NKAIN2: variants seen among roughly 807,000 people sequenced by gnomAD.
NKAIN2 encodes sodium/potassium transporting ATPase interacting 2.
In NKAIN2, 14 loss-of-function variants were observed where a neutral mutation model predicts 32.6. The ratio of observed to expected loss-of-function variants is 0.43; its 90% CI spans 0.28 to 0.67. The LOEUF (loss-of-function observed/expected upper bound fraction) is 0.67. NKAIN2 is among the 30% of genes least tolerant of loss of function. The pLI, the probability that NKAIN2 is intolerant of heterozygous loss-of-function variation, is 0.17. For missense variants in NKAIN2, 198 were observed against 258.3 expected, an observed-to-expected ratio of 0.77 and a Z score of 1.60; for synonymous variants, 80 against 87.2, an observed-to-expected ratio of 0.92 and a Z score of 0.46.
At chr6:124,410,013 T>G (rs955835219) in intron 3 of NKAIN2, among the ~76,000 whole-genome samples, 5 of 152,218 alleles carry the variant, frequency 3.3e-5, no homozygotes, top group African/African-American at 1.2e-4. Context: ...GATGGTAGTT[T>G]GTATTTCTGT....
At chr6:124,304,831 T>A (rs1583021400) in intron 2 of NKAIN2, among the ~76,000 whole-genome samples, 1 of 152,104 alleles carries the variant, frequency 6.6e-6, no homozygotes, top group South Asian at 2.1e-4. Flanking sequence ...GGGGACTCAC[T>A]TAAACCCAGG....
chr6:124,789,404 G>A (rs906526317), intron 4 of NKAIN2, among the ~76,000 whole-genome samples: 1 of 152,052 alleles, frequency 6.6e-6, no homozygotes, highest in African/African-American at 2.4e-5. Flanking sequence ...ACTCAATGTG[G>A]AGGAAGAGGT....
At chr6:124,610,288 G>GAAC (rs1340214543) in intron 3 of NKAIN2, among the ~76,000 whole-genome samples, 3 of 152,148 alleles carry the variant, frequency 2.0e-5, no homozygotes, top group African/African-American at 7.2e-5. Context: ...GTATTATCTA[G>GAAC]AACTTATCCC....
intron 3 of NKAIN2, among the ~76,000 whole-genome samples, chr6:124,600,619 A>G (rs1440957887): frequency 6.6e-6 from 1 of 152,050 alleles, no homozygotes. Flanking sequence ...AGAGAATCCA[A>G]AGGGTTAAAT....
intron 1 of NKAIN2, among the ~76,000 whole-genome samples, chr6:123,969,947 AT>A (rs1420780008): frequency 6.6e-6 from 1 of 152,232 alleles, no homozygotes; most frequent in Non-Finnish European, 1.5e-5. Flanking sequence ...TATAAGTAAA[AT>A]GAATAATTCA....
intron 1 of NKAIN2, among the ~76,000 whole-genome samples, chr6:124,274,069 T>C (rs1794920256): frequency 6.6e-6 from 1 of 152,164 alleles, no homozygotes; most frequent in South Asian, 2.1e-4. Flanking sequence ...ATAGGGAGAC[T>C]TTAAACTTAA....
At chr6:124,234,832 A>G (rs1446958098) in intron 1 of NKAIN2, among the ~76,000 whole-genome samples, 2 of 152,188 alleles carry the variant, frequency 1.3e-5, no homozygotes, top group Non-Finnish European at 2.9e-5. Flanking sequence ...TGTTGATTAA[A>G]TGAATAGTGC....
At chr6:123,842,323 T>G (rs2114937261) in intron 1 of NKAIN2, among the ~76,000 whole-genome samples, 1 of 152,322 alleles carries the variant, frequency 6.6e-6, no homozygotes, top group South Asian at 2.1e-4. Context: ...TGGTGAGGGC[T>G]CTCTTCCTGG....
At chr6:124,262,593 A>G (rs802502) in intron 1 of NKAIN2, among the ~76,000 whole-genome samples, 147,404 of 152,296 alleles carry the variant, frequency 0.97, 71,385 homozygotes, top group Middle Eastern at 1. Context: ...CATATTGGGT[A>G]AGTGGGATGA....
chr6:124,673,495 T>G (rs911836599), intron 4 of NKAIN2, among the ~76,000 whole-genome samples: 1 of 152,086 alleles, frequency 6.6e-6, no homozygotes, highest in South Asian at 2.1e-4. Context: ...CAAGCATCAG[T>G]ACACTAGGGT....
chr6:124,774,055 T>C (rs191571831), intron 4 of NKAIN2, among the ~76,000 whole-genome samples: 14 of 152,210 alleles, frequency 9.2e-5, no homozygotes, highest in African/African-American at 2.4e-4. Context: ...TGAGAGTAGA[T>C]TGGAGAGTCA....
At chr6:124,059,098 A>G (rs1382812472) in intron 1 of NKAIN2, among the ~76,000 whole-genome samples, 1 of 152,082 alleles carries the variant, frequency 6.6e-6, no homozygotes, top group Admixed American at 6.6e-5. Flanking sequence ...AAGTGGTAAA[A>G]AAAAAACTGA....
At chr6:124,235,365 T>C (rs546450398) in intron 1 of NKAIN2, among the ~76,000 whole-genome samples, 3 of 152,142 alleles carry the variant, frequency 2.0e-5, no homozygotes. Flanking sequence ...TACATCCTAT[T>C]TATTGAATTG....
At chr6:123,997,529 C>T (rs1482009018) in intron 1 of NKAIN2, among the ~76,000 whole-genome samples, 3 of 150,950 alleles carry the variant, frequency 2.0e-5, no homozygotes, top group Admixed American at 6.6e-5. Flanking sequence ...CAAGAAAGGA[C>T]GTGGCAGTTT....
intron 1 of NKAIN2, among the ~76,000 whole-genome samples, chr6:123,983,182 G>A (rs762962109): frequency 6.6e-6 from 1 of 152,142 alleles, no homozygotes; most frequent in African/African-American, 2.4e-5. Context: ...CTTTGAATTT[G>A]GACAAATTGA....
At chr6:124,437,898 C>T (rs1775527516) in intron 3 of NKAIN2, 1 of 327,670 alleles carries the variant, frequency 3.1e-6, no homozygotes, top group South Asian at 2.0e-5. Flanking sequence ...TTTTCTTAAC[C>T]CCAGGTAACG....
At chr6:124,376,647 C>T (rs1183028950) in intron 3 of NKAIN2, among the ~76,000 whole-genome samples, 1 of 152,086 alleles carries the variant, frequency 6.6e-6, no homozygotes, top group Admixed American at 6.6e-5. Context: ...TTTGTTTAAG[C>T]TTACCCTACA....
At chr6:123,815,095 G>A (rs1773634812) in intron 1 of NKAIN2, among the ~76,000 whole-genome samples, 2 of 151,906 alleles carry the variant, frequency 1.3e-5, no homozygotes, top group Non-Finnish European at 2.9e-5. Context: ...AGGATATGAT[G>A]TAACTGAAAA....
At chr6:124,224,451 A>G (rs1792003038) in intron 1 of NKAIN2, among the ~76,000 whole-genome samples, 1 of 152,094 alleles carries the variant, frequency 6.6e-6, no homozygotes, top group African/African-American at 2.4e-5. Flanking sequence ...TCCTCTAAGA[A>G]TTAGATGATT....
Sources: allele counts gnomAD v4.1 joint callset (sites outside exome capture counted in the v4.1 genomes callset), GRCh38; gene constraint gnomAD v4.1.1; transcripts MANE v1.5; gene names NCBI Gene and HGNC (gene_info 2026-07-23, HGNC 2026-07-21).